DRICH1: variants seen among roughly 807,000 people sequenced by gnomAD.
DRICH1 encodes the protein aspartate-rich protein 1.
Under a neutral mutation model 39.5 loss-of-function variants are expected in DRICH1, and 38 were observed. The observed-to-expected ratio is 0.96, with a 90% CI of 0.74 to 1.26. The LOEUF (loss-of-function observed/expected upper bound fraction) is 1.26, where lower values mean the gene tolerates loss of function less well. DRICH1 is among the 50% of genes most tolerant of loss of function. The probability of loss-of-function intolerance (pLI) is 0.00; values close to 1 mark genes in which losing one functional copy is unlikely to be tolerated. For synonymous variants in DRICH1, 84 were observed against 99.5 expected, an observed-to-expected ratio of 0.84 and a Z score of 0.93; for missense variants, 279 against 270.4, an observed-to-expected ratio of 1.03 and a Z score of -0.22.
At chr22:23,607,546 G>A (rs1031877545), downstream of DRICH1, among the ~76,000 whole-genome samples, 2 of 150,540 alleles carry the variant, frequency 1.3e-5, no homozygotes, top group African/African-American at 2.5e-5. Context: ...GGCGGGGGGG[G>A]GCCTCTTGCC....
intron 9 of DRICH1, 27 bp from the exon 10 acceptor site, chr22:23,613,687 T>G: frequency 6.4e-7 from 1 of 1,559,364 alleles, no homozygotes; most frequent in South Asian, 1.1e-5. Flanking sequence ...GAAAACATTA[T>G]GAAAATCAGA....
chr22:23,599,266 C>T, the DRICH1 span, among the ~76,000 whole-genome samples: 1 of 152,226 alleles, frequency 6.6e-6, no homozygotes, highest in Admixed American at 6.5e-5. Flanking sequence ...CGTCAGCCTG[C>T]TGGCCCAGCC....
At chr22:23,615,635 T>C (rs1329807865) in intron 8 of DRICH1, among the ~76,000 whole-genome samples, 3 of 152,226 alleles carry the variant, frequency 2.0e-5, no homozygotes, top group Non-Finnish European at 4.4e-5. Context: ...GCAACAGCCA[T>C]CTGTGCAGAA....
chr22:23,628,248 C>T lies in DRICH1; in HGVS notation c.209-2200G>A, dbSNP rs189475140. Among the ~76,000 whole-genome samples, 169 of 152,294 alleles carry T rather than the reference C, an allele frequency of 1.1e-3. 2 individuals carry two copies. Among genetic ancestry groups the T allele is most frequent in the African/African-American group, 3.5e-3 (147 of 41,542 alleles). On this transcript the variant is annotated intron_variant, in intron 1 of 11. Coordinates refer to ENST00000317749, the MANE Select transcript of DRICH1 (RefSeq NM_016449.4). ...CTCAGGAGTGCTGCAGCTACAGGCT[C>T]AGTGCTAGGGGGCTCTGTCCAGTTG...
downstream of DRICH1, among the ~76,000 whole-genome samples, chr22:23,606,562 A>G (rs575911450): frequency 2.8e-4 from 43 of 152,198 alleles, 1 homozygote; most frequent in South Asian, 8.7e-3. Flanking sequence ...CTCTTCTCAA[A>G]GGCTGGTCTG....
At chr22:23,586,510 A>G in the DRICH1 span, among the ~76,000 whole-genome samples, 1 of 152,054 alleles carries the variant, frequency 6.6e-6, no homozygotes. Context: ...AAAAAACACC[A>G]TTACCTCCCT....
intron 11 of DRICH1, among the ~76,000 whole-genome samples, chr22:23,610,159 C>T (rs926544209): frequency 3.9e-5 from 6 of 152,292 alleles, no homozygotes; most frequent in South Asian, 2.1e-4. Context: ...TGAGCCCAAC[C>T]GCCAGTCCTC....
At chr22:23,624,353 CA>C (rs1927934846) in intron 3 of DRICH1, 1 of 984,474 alleles carries the variant, frequency 1.0e-6, no homozygotes, top group Non-Finnish European at 1.2e-6. Flanking sequence ...AAGAAATGAT[CA>C]AAAACACAGG....
chr22:23,623,722 G>T (rs981518776), intron 3 of DRICH1, among the ~76,000 whole-genome samples: 2 of 152,210 alleles, frequency 1.3e-5, no homozygotes, highest in Admixed American at 1.3e-4. Context: ...AGTGTTGGTG[G>T]ATGCACATTC....
intron 1 of DRICH1, among the ~76,000 whole-genome samples, chr22:23,627,539 T>A (rs1246618077): frequency 1.3e-5 from 2 of 151,760 alleles, no homozygotes; most frequent in Non-Finnish European, 2.9e-5. Flanking sequence ...CTACCATATG[T>A]TTATGGTTAC....
At chr22:23,582,290 TTTTGAGACGGAGTCTCACTC>T in the DRICH1 span, among the ~76,000 whole-genome samples, 1 of 151,638 alleles carries the variant, frequency 6.6e-6, no homozygotes, top group Admixed American at 6.6e-5. Context: ...TCTTTTTTTT[TTTTGAGACGGAGTCTCACTC>T]TGTTGCCCAG....
At chr22:23,603,345 G>T in the DRICH1 span, among the ~76,000 whole-genome samples, 1 of 150,294 alleles carries the variant, frequency 6.7e-6, no homozygotes, top group South Asian at 2.1e-4. Context: ...AGCAATCTGG[G>T]CCCCTGGGTG....
chr22:23,632,206 G>T lies in DRICH1; in HGVS notation c.-183C>A. The T allele has an allele frequency of 1.1e-6, 1 of 944,010 alleles. No homozygotes were observed. The highest frequency in any genetic ancestry group is 1.5e-6 in the Non-Finnish European group (1 of 649,072). The allele number at this position is 944,010 out of a possible 1,614,324, so 58.5% of individuals were successfully genotyped here. On this transcript the variant is annotated 5_prime_UTR_variant, in exon 1 of 12. In the 5' UTR this introduces an upstream ATG that the reference lacks. Transcript: ENST00000317749. Reference sequence around the variant, plus strand: ...CCAAACTAGCTGGTCTATGAGGTCAGGGACCTGCTGTCTTCTTTGAAAAAT... The same window carrying T: ...CCAAACTAGCTGGTCTATGAGGTCATGGACCTGCTGTCTTCTTTGAAAAAT...
chr22:23,586,319 T>A, the DRICH1 span, among the ~76,000 whole-genome samples: 4 of 152,104 alleles, frequency 2.6e-5, no homozygotes, highest in Non-Finnish European at 5.9e-5. Context: ...TGAAACCCCA[T>A]CTCTACAAAA....
intron 10 of DRICH1, 126 bp from the exon 11 acceptor site, chr22:23,613,456 C>T: frequency 1.1e-6 from 1 of 943,302 alleles, no homozygotes; most frequent in Non-Finnish European, 1.7e-6. Context: ...TACATGATCC[C>T]CTAATCTTTC....
intron 11 of DRICH1, among the ~76,000 whole-genome samples, chr22:23,610,887 G>A (rs1316816439): frequency 6.7e-6 from 1 of 150,356 alleles, no homozygotes; most frequent in Non-Finnish European, 1.5e-5. Flanking sequence ...TATTAGATGG[G>A]CAAAATTTTT....
At chr22:23,623,250 C>T (rs1267218541) in intron 3 of DRICH1, among the ~76,000 whole-genome samples, 1 of 151,870 alleles carries the variant, frequency 6.6e-6, no homozygotes, top group African/African-American at 2.4e-5. Context: ...ACTAAAAATA[C>T]AAAAATTATC....
intron 3 of DRICH1, chr22:23,624,187 T>C: frequency 2.0e-6 from 2 of 985,418 alleles, no homozygotes; most frequent in Non-Finnish European, 2.4e-6. Flanking sequence ...ATTTCTCCTA[T>C]GCATCTGGCA....
At chr22:23,619,560 C>T (rs1927588153) in intron 5 of DRICH1, among the ~76,000 whole-genome samples, 167 bp from the exon 6 acceptor site, 1 of 152,194 alleles carries the variant, frequency 6.6e-6, no homozygotes, top group Non-Finnish European at 1.5e-5. Flanking sequence ...ATGGAGGTAT[C>T]ACAGATATAG....
Sources: allele counts gnomAD v4.1 joint callset (sites outside exome capture counted in the v4.1 genomes callset), GRCh38; gene constraint gnomAD v4.1.1; transcripts MANE v1.5; gene names NCBI Gene and HGNC (gene_info 2026-07-23, HGNC 2026-07-21).